RUFY2: variants seen among roughly 807,000 people sequenced by gnomAD.
RUFY2 encodes RUN and FYVE domain-containing protein 2.
A neutral mutation model predicts 94.4 loss-of-function variants in RUFY2; 49 were observed. The ratio of observed to expected loss-of-function variants is 0.52; its 90% CI spans 0.41 to 0.66. RUFY2 has a LOEUF of 0.66. RUFY2 is among the 30% of genes least tolerant of loss of function. The pLI is 0.00. For synonymous variants in RUFY2, 255 were observed against 235.7 expected (o/e 1.08, Z -0.75); for missense variants, 541 against 692.8 (o/e 0.78, Z 2.46).
chr10:68,385,589 CT>C (rs969944299), intron 8 of RUFY2, among the ~76,000 whole-genome samples: 4 of 151,776 alleles, frequency 2.6e-5, no homozygotes, highest in East Asian at 1.9e-4. Flanking sequence ...ACAAGAATTT[CT>C]TTTTTTTAAT....
intron 13 of RUFY2, among the ~76,000 whole-genome samples, chr10:68,375,709 G>A (rs2048586397): frequency 1.3e-5 from 2 of 151,086 alleles, no homozygotes; most frequent in African/African-American, 2.4e-5. Context: ...CCGGGAGGCG[G>A]AGCTTGCAGT....
At chr10:68,362,775 T>G (rs1589819485) in intron 15 of RUFY2, among the ~76,000 whole-genome samples, 1 of 151,560 alleles carries the variant, frequency 6.6e-6, no homozygotes, top group South Asian at 2.1e-4. Context: ...GGCGAGACCC[T>G]GTCTTTGAAA....
At chr10:68,394,773 G>A (rs2050259507) in intron 4 of RUFY2, among the ~76,000 whole-genome samples, 1 of 151,588 alleles carries the variant, frequency 6.6e-6, no homozygotes, top group Non-Finnish European at 1.5e-5. Flanking sequence ...GGGACTACAG[G>A]TGCCCGCCAC....
chr10:68,347,047 A>G (rs2046325496), intron 16 of RUFY2, among the ~76,000 whole-genome samples: 1 of 151,950 alleles, frequency 6.6e-6, no homozygotes, highest in Non-Finnish European at 1.5e-5. Flanking sequence ...TAAGCCCAGG[A>G]GTTTGAGGCT....
rs1252962088 is a variant in RUFY2 at position 68,394,074 on chromosome 10, CCTTT to C, written c.581_584del (p.Glu194GlyfsTer9). 14 of 1,502,328 alleles carry C rather than the reference CCTTT, an allele frequency of 9.3e-6. No homozygotes were observed. The highest frequency in any genetic ancestry group is 1.3e-5 in the Non-Finnish European group (14 of 1,117,610). The allele number at this position is 1,502,328 out of a possible 1,614,324, so 93.1% of individuals were successfully genotyped here. A position where few individuals can be genotyped will look rare whatever the true frequency, so the allele number is the denominator to read the frequency against. On this transcript the variant is annotated frameshift_variant and splice_region_variant, in exon 6 of 18. Transcript: ENST00000602465. LOFTEE classifies it high-confidence loss of function. ...TGTGAAATAACTTATGAAAATCATA[CCTTT>C]CTTTATTTCCAATATCTTCTTCATT...
intron 13 of RUFY2, among the ~76,000 whole-genome samples, chr10:68,367,144 G>T (rs1036320410): frequency 9.9e-5 from 15 of 151,302 alleles, no homozygotes; most frequent in African/African-American, 3.4e-4. Context: ...TTCCAGCCTG[G>T]GTGACAAAAA....
chr10:68,381,857 G>C (rs1404999050), intron 10 of RUFY2, among the ~76,000 whole-genome samples: 1 of 152,070 alleles, frequency 6.6e-6, no homozygotes, highest in Non-Finnish European at 1.5e-5. Flanking sequence ...CAAAAAGTAA[G>C]TAAATATTTT....
rs1281236546 is a variant in RUFY2 at position 68,344,527 on chromosome 10, T to G, written c.*1241A>C. Reference sequence around the variant, plus strand: ...ATAACTTGGATTAGTGTTCATTGAGTCAGCTTGAAATAGGTCAAGTGTACT... The same window carrying G: ...ATAACTTGGATTAGTGTTCATTGAGGCAGCTTGAAATAGGTCAAGTGTACT... On this transcript the variant is annotated 3_prime_UTR_variant, in exon 18 of 18. Transcript: ENST00000602465. 6.6e-6 allele frequency: 1 copy of G among 152,168 alleles called. No homozygotes were observed. The highest frequency in any genetic ancestry group is 2.4e-5 in the African/African-American group (1 of 41,448). The allele number at this position is 152,168 out of a possible 1,614,324, so 9.4% of individuals were successfully genotyped here.
At chr10:68,386,154 A>G (rs1378726713) in intron 7 of RUFY2, 26 bp from the exon 8 acceptor site, 2 of 1,586,440 alleles carry the variant, frequency 1.3e-6, no homozygotes, top group Admixed American at 3.6e-5. Context: ...AAAAAAACTC[A>G]TTCAAAATCA....
At chr10:68,406,418 T>C (rs776178170) in intron 1 of RUFY2, among the ~76,000 whole-genome samples, 47 of 152,294 alleles carry the variant, frequency 3.1e-4, no homozygotes, top group Middle Eastern at 3.4e-3. Context: ...GTGGCAACTC[T>C]CATTTTTAAC....
intron 13 of RUFY2, among the ~76,000 whole-genome samples, chr10:68,368,111 G>T (rs564283257): frequency 6.6e-6 from 1 of 151,472 alleles, no homozygotes; most frequent in African/African-American, 2.4e-5. Context: ...GATTACAGGC[G>T]CCTGCCACCA....
At chr10:68,377,673 A>C in intron 12 of RUFY2, 1 of 985,384 alleles carries the variant, frequency 1.0e-6, no homozygotes. Flanking sequence ...TTTTATTTGT[A>C]AGTCGTTGCA....
intron 13 of RUFY2, among the ~76,000 whole-genome samples, chr10:68,370,538 T>C (rs1051194812): frequency 2.0e-5 from 3 of 149,444 alleles, no homozygotes; most frequent in Non-Finnish European, 4.4e-5. Flanking sequence ...TCCTAGCTAC[T>C]CAGGAAGCTT....
chr10:68,349,424 G>A lies in RUFY2; in HGVS notation c.1600-3340C>T, dbSNP rs144614197. Among the ~76,000 whole-genome samples the A allele has an allele frequency of 4.8e-3, 586 of 121,404 alleles. 2 individuals carry two copies. Among genetic ancestry groups the A allele is most frequent in the African/African-American group, 0.015 (548 of 36,046 alleles). 79.6% of individuals were successfully genotyped at this position (121,404 alleles called of 152,430 possible). On this transcript the variant is annotated intron_variant, in intron 16 of 17. Transcript: ENST00000602465. ...GGTCCCAGCAACTCAGGAGGCTGAG[G>A]GGGGGAGGATTGCTTGAACCCAGAA...
At chr10:68,351,201 T>A (rs1489657842) in intron 16 of RUFY2, among the ~76,000 whole-genome samples, 1 of 135,652 alleles carries the variant, frequency 7.4e-6, no homozygotes, top group East Asian at 2.4e-4. Context: ...GCATGATCTC[T>A]GCTCATTGCA....
At chr10:68,402,972 A>G (rs2133241357) in intron 2 of RUFY2, among the ~76,000 whole-genome samples, 1 of 148,694 alleles carries the variant, frequency 6.7e-6, no homozygotes, top group East Asian at 2.0e-4. Flanking sequence ...CAGCCTCCCA[A>G]GTAGCTGGGA....
At position 68,378,699 on chromosome 10, in the gene RUFY2, G is replaced by C. The variant is rs370917897; in HGVS notation, c.1205+725C>G. 195 of 1,556,114 alleles carry C rather than the reference G, an allele frequency of 1.3e-4. 4 individuals carry two copies. Among genetic ancestry groups the C allele is most frequent in the East Asian group, 9.5e-4 (42 of 44,096 alleles). ...CATAATGGAATGGAAAGAAATCAAA[G>C]ACAGAAAAAGGTAATAAAAATGTCC... On this transcript the variant is annotated intron_variant, in intron 12 of 17. Transcript: ENST00000602465.
At chr10:68,380,633 G>A (rs1028467370) in intron 11 of RUFY2, among the ~76,000 whole-genome samples, 1 of 152,054 alleles carries the variant, frequency 6.6e-6, no homozygotes, top group Non-Finnish European at 1.5e-5. Context: ...AGGCCGAGGT[G>A]GGCGGATCAC....
intron 16 of RUFY2, among the ~76,000 whole-genome samples, chr10:68,347,342 T>C (rs2046357304): frequency 7.3e-6 from 1 of 137,808 alleles, no homozygotes; most frequent in East Asian, 2.4e-4. Flanking sequence ...TGTAGTGCAG[T>C]GGTGCAGTCT....
Sources: allele counts gnomAD v4.1 joint callset (sites outside exome capture counted in the v4.1 genomes callset), GRCh38; gene constraint gnomAD v4.1.1; transcripts MANE v1.5; gene names NCBI Gene and HGNC (gene_info 2026-07-23, HGNC 2026-07-21).